The following TWSG1 variants were observed in gnomAD, a reference collection of about 807,000 sequenced individuals.
TWSG1 encodes the protein twisted gastrulation BMP signaling modulator 1, also known as twisted gastrulation protein homolog 1.
Under a neutral mutation model 23.0 loss-of-function variants are expected in TWSG1, and 15 were observed. The ratio of observed to expected loss-of-function variants is 0.65; its 90% confidence interval spans 0.44 to 1.00. TWSG1 has a LOEUF of 1.00. Among genes scored for constraint, TWSG1 ranks in the 50% least tolerant of loss-of-function variants. The pLI is 0.00. For synonymous variants in TWSG1, 86 were observed against 92.8 expected (o/e 0.93, Z 0.42); for missense variants, 242 against 278.7 (o/e 0.87, Z 0.94).
At chr18:9,380,730 T>G (rs767508883) in intron 3 of TWSG1, among the ~76,000 whole-genome samples, 1 of 152,246 alleles carries the variant, frequency 6.6e-6, no homozygotes, top group Non-Finnish European at 1.5e-5. Flanking sequence ...TCAGCTGAAC[T>G]ACACTTGGCT....
chr18:9,397,375 A>G (rs1179648649), intron 4 of TWSG1, among the ~76,000 whole-genome samples: 1 of 152,248 alleles, frequency 6.6e-6, no homozygotes, highest in Non-Finnish European at 1.5e-5. Context: ...ATTTCCAGGC[A>G]TAAACTAACC....
At chr18:9,383,190 T>TG (rs1555652465) in intron 3 of TWSG1, among the ~76,000 whole-genome samples, 23 of 137,814 alleles carry the variant, frequency 1.7e-4, no homozygotes, top group East Asian at 9.4e-4. Context: ...CACGTTTTTT[T>TG]TTTGTTTTTT....
intron 2 of TWSG1, among the ~76,000 whole-genome samples, chr18:9,355,257 A>T (rs1389532390): frequency 6.6e-6 from 1 of 152,092 alleles, no homozygotes; most frequent in Non-Finnish European, 1.5e-5. Flanking sequence ...CACCCGGCCT[A>T]AAGTTTTCTT....
At chr18:9,387,683 T>A (rs1200423761) in intron 3 of TWSG1, among the ~76,000 whole-genome samples, 3 of 149,260 alleles carry the variant, frequency 2.0e-5, no homozygotes, top group Non-Finnish European at 4.4e-5. Flanking sequence ...AGCAGGAGAA[T>A]CACTTGAACC....
intron 1 of TWSG1, 139 bp from the exon 2 acceptor site, chr18:9,337,054 A>C (rs982182451): frequency 1.5e-6 from 1 of 679,946 alleles, no homozygotes; most frequent in African/African-American, 1.8e-5. Context: ...AGCCTGGGCA[A>C]CAGAGCAAGA....
intron 3 of TWSG1, among the ~76,000 whole-genome samples, chr18:9,385,313 C>T (rs1008763171): frequency 2.0e-5 from 3 of 152,164 alleles, no homozygotes; most frequent in African/African-American, 4.8e-5. Context: ...GGCAAGGCCT[C>T]CTCATTCAGG....
intron 3 of TWSG1, among the ~76,000 whole-genome samples, chr18:9,383,457 G>T (rs1452972143): frequency 6.6e-6 from 1 of 152,100 alleles, no homozygotes; most frequent in Non-Finnish European, 1.5e-5. Flanking sequence ...CTCCCAAAGT[G>T]CTGGGATTAC....
chr18:9,336,183 G>A (rs181571931), intron 1 of TWSG1, among the ~76,000 whole-genome samples: 79 of 152,252 alleles, frequency 5.2e-4, no homozygotes, highest in African/African-American at 1.8e-3. Context: ...CCTGAGGTCA[G>A]GAGATCGAGA....
intron 3 of TWSG1, among the ~76,000 whole-genome samples, chr18:9,385,019 G>A (rs1174265615): frequency 6.6e-6 from 1 of 152,168 alleles, no homozygotes; most frequent in Admixed American, 6.5e-5. Flanking sequence ...GGGTTATGGT[G>A]AGAGTATGAG....
At chr18:9,350,981 T>G (rs150722246) in intron 2 of TWSG1, among the ~76,000 whole-genome samples, 4 of 152,148 alleles carry the variant, frequency 2.6e-5, no homozygotes, top group Non-Finnish European at 5.9e-5. Flanking sequence ...AAAAGTAGTG[T>G]CAGCATAGGT....
chr18:9,383,545 G>A (rs532060879), intron 3 of TWSG1, among the ~76,000 whole-genome samples: 1 of 152,240 alleles, frequency 6.6e-6, no homozygotes, highest in East Asian at 1.9e-4. Context: ...GTAGATTTAA[G>A]GATGTAAAGA....
chr18:9,396,904 C>CAA, intron 4 of TWSG1: 1 of 271,994 alleles, frequency 3.7e-6, no homozygotes, highest in Non-Finnish European at 6.8e-6. Flanking sequence ...ACTAAGAATA[C>CAA]AAAAATTAGC....
chr18:9,380,360 C>T (rs1449432816), intron 3 of TWSG1, among the ~76,000 whole-genome samples: 1 of 152,132 alleles, frequency 6.6e-6, no homozygotes, highest in African/African-American at 2.4e-5. Context: ...GTTCCAGCCA[C>T]GCAGTCTTGC....
In TWSG1 at chr18:9,397,839, T is replaced by TA. The variant is rs569364150; in HGVS notation, c.490+1294dup. On this transcript the variant is annotated intron_variant, in intron 4 of 4. Transcript: ENST00000262120. Reference sequence around the variant, plus strand: ...TGACCAACATGAGAGACCTCGTCTCTACTAGAAATACAAAATTAGCTGGGC... The same window carrying TA: ...TGACCAACATGAGAGACCTCGTCTCTAACTAGAAATACAAAATTAGCTGGGC... 5.3e-5 allele frequency among the ~76,000 whole-genome samples: 8 copies of TA among 151,966 alleles called. No individual in the cohort carries two copies. In the South Asian group the frequency reaches 1.7e-3, roughly 32 times the overall value.
chr18:9,390,124 G>A (rs532312984), intron 3 of TWSG1, among the ~76,000 whole-genome samples: 16 of 152,050 alleles, frequency 1.1e-4, no homozygotes, highest in Admixed American at 3.9e-4. Context: ...CAGGCTGGTG[G>A]TTGCTGAAGG....
chr18:9,345,091 C>T (rs967941034), intron 2 of TWSG1, among the ~76,000 whole-genome samples: 4 of 152,070 alleles, frequency 2.6e-5, no homozygotes, highest in Non-Finnish European at 4.4e-5. Flanking sequence ...ATTGGCTTGT[C>T]TTTTTATTGT....
In TWSG1 at chr18:9,401,102, T is replaced by G; in HGVS notation, c.*1575T>G. 6.6e-6 allele frequency: 1 copy of G among 152,224 alleles called. No individual in the cohort carries two copies. The highest frequency in any genetic ancestry group is 6.5e-5 in the Admixed American group (1 of 15,288). The allele number at this position is 152,224 out of a possible 1,614,324, so 9.4% of individuals were successfully genotyped here. ...TTAATACCTTTTCTGCTCTTTCAAA[T>G]AACTCTAATGAATATTCAAGATATT... On this transcript the variant is annotated 3_prime_UTR_variant, in exon 5 of 5. Coordinates refer to ENST00000262120, the MANE Select transcript of TWSG1 (RefSeq NM_020648.6).
intron 3 of TWSG1, among the ~76,000 whole-genome samples, chr18:9,372,423 CTCTT>C (rs1240329669): frequency 6.7e-6 from 1 of 149,554 alleles, no homozygotes. Context: ...TGATCTCTGT[CTCTT>C]TCTCTCAAAA....
intron 3 of TWSG1, among the ~76,000 whole-genome samples, chr18:9,390,754 A>G (rs941790500): frequency 2.0e-5 from 3 of 152,224 alleles, no homozygotes; most frequent in Non-Finnish European, 4.4e-5. Flanking sequence ...GTTCATGTCT[A>G]TAAACCCAGA....
Sources: allele counts gnomAD v4.1 joint callset (sites outside exome capture counted in the v4.1 genomes callset), GRCh38; gene constraint gnomAD v4.1.1; transcripts MANE v1.5; gene names NCBI Gene and HGNC (gene_info 2026-07-23, HGNC 2026-07-21).